Variants in DSC2 observed in about 807,000 individuals in gnomAD.
The protein encoded by DSC2 is desmocollin 2, also known as desmocollin-2.
Under a neutral mutation model 87.6 loss-of-function variants are expected in DSC2, and 51 were observed. The observed-to-expected ratio is 0.58, with a 90% CI of 0.46 to 0.74. The LOEUF is 0.74. DSC2 is among the 30% of genes least tolerant of loss of function. DSC2 has a pLI of 0.00. For missense variants in DSC2, 1,066 were observed against 1,089.5 expected, an observed-to-expected ratio of 0.98 and a Z score of 0.30; for synonymous variants, 383 against 393.2, an observed-to-expected ratio of 0.97 and a Z score of 0.31.
intron 1 of DSC2, among the ~76,000 whole-genome samples, chr18:31,099,308 T>G (rs1018715211): frequency 6.6e-6 from 1 of 152,022 alleles, no homozygotes; most frequent in Non-Finnish European, 1.5e-5. Flanking sequence ...GTAGTCAAAC[T>G]CATAGAAGCA....
chr18:31,079,537 G>A (rs989210607), intron 11 of DSC2, among the ~76,000 whole-genome samples: 1 of 152,074 alleles, frequency 6.6e-6, no homozygotes, highest in African/African-American at 2.4e-5. Context: ...TTACAGGCAT[G>A]AGCCACCACA....
In DSC2 at chr18:31,101,916, A is replaced by G; in HGVS notation, c.56T>C (p.Leu19Pro). The G allele has an allele frequency of 6.5e-7, 1 of 1,531,494 alleles. No homozygotes were observed. 94.9% of individuals were successfully genotyped at this position (1,531,494 alleles called of 1,614,324 possible). Residue 19 changes from leucine to proline, a missense_variant, in exon 1 of 16, where the codon CTG becomes CCG. Transcript: ENST00000280904. ...GGCTACACTCACCGCGAGGGTCAGC[A>G]GGAGCAGCCGGCAGAGGGCTCCGTT... Reference protein sequence around the residue: ...SWNGALCRLLLLTLAILIFAS... With the variant: ...SWNGALCRLLPLTLAILIFAS...
rs766782434 is a variant in DSC2, at chr18:31,065,050, C to T, written c.*2965G>A. The stretch of plus-strand genomic sequence containing the variant: ...AAGCACCAGCCATTTCTTCGGGAAA[C>T]TCTTTATGATTTTGCCTCCTCGAGA... On this transcript the variant is annotated 3_prime_UTR_variant, in exon 16 of 16. Transcript: ENST00000280904. The T allele has an allele frequency of 6.6e-6, 1 of 152,230 alleles. No homozygotes were observed. The highest frequency in any genetic ancestry group is 1.5e-5 in the Non-Finnish European group (1 of 68,048). The allele number at this position is 152,230 out of a possible 1,614,324, so 9.4% of individuals were successfully genotyped here.
At position 31,068,223 on chromosome 18, in the gene DSC2, G is replaced by A; in HGVS notation, c.2509-11C>T. The A allele has an allele frequency of 6.2e-7, 1 of 1,613,872 alleles. No homozygotes were observed. The highest frequency in any genetic ancestry group is 8.5e-7 in the Non-Finnish European group (1 of 1,179,916). On this transcript the variant is annotated splice_polypyrimidine_tract_variant and intron_variant, in intron 15 of 15. Coordinates refer to ENST00000280904, the MANE Select transcript of DSC2 (RefSeq NM_024422.6). ...ACACAGATACACTTTCTGCCAAGGG[G>A]AAAAACACAACGTTTTTATTATTAT...
At chr18:31,069,272 G>C in intron 14 of DSC2, 121 bp from the exon 15 acceptor site, 1 of 1,251,410 alleles carries the variant, frequency 8.0e-7, no homozygotes, top group Non-Finnish European at 1.1e-6. Context: ...AGCTCTCTGA[G>C]AGCAGGAACT....
chr18:31,082,513 C>T (rs1987258243), intron 8 of DSC2, 90 bp from the exon 9 acceptor site: 1 of 1,164,576 alleles, frequency 8.6e-7, no homozygotes, highest in South Asian at 1.3e-5. Flanking sequence ...TTCTAATTTC[C>T]AAAGTACTAT....
intron 1 of DSC2, among the ~76,000 whole-genome samples, chr18:31,095,881 C>T (rs1427145538): frequency 6.6e-6 from 1 of 151,790 alleles, no homozygotes; most frequent in African/African-American, 2.4e-5. Flanking sequence ...TAAGAGGAGG[C>T]AGAGCTTAAA....
rs142594406 is a variant in DSC2, at chr18:31,074,696, C to G, written c.1875G>C (p.Leu625=). Residue 625 remains leucine (L), a synonymous_variant, in exon 12 of 16, where the codon CTG becomes CTC. Transcript: ENST00000280904. ...STSEVQRMWR[L]KAINDTAARL... ...AAAAATATATACCATTAATTGCTTT[C>G]AGTCTCCACATTCTCTGTACTTCTG... The G allele has an allele frequency of 1.9e-6, 3 of 1,613,606 alleles. No homozygotes were observed. The African/African-American group carries it at 4.0e-5, about 22-fold the overall frequency.
intron 9 of DSC2, 22 bp downstream of exon 9, chr18:31,082,216 T>C (rs1987242387): frequency 6.3e-7 from 1 of 1,596,004 alleles, no homozygotes; most frequent in African/African-American, 1.3e-5. Flanking sequence ...AAACTACAAA[T>C]AATGTTCTAA....
intron 1 of DSC2, among the ~76,000 whole-genome samples, chr18:31,099,784 G>T (rs756136378): frequency 2.4e-4 from 37 of 152,132 alleles, no homozygotes; most frequent in African/African-American, 7.7e-4. Flanking sequence ...AAGAAGTGAG[G>T]AAAAGCTGAT....
intron 5 of DSC2, among the ~76,000 whole-genome samples, chr18:31,088,619 T>C (rs1378927280): frequency 6.6e-6 from 1 of 152,186 alleles, no homozygotes; most frequent in African/African-American, 2.4e-5. Context: ...GACCAAGTCC[T>C]GTTGGGAAAT....
intron 11 of DSC2, among the ~76,000 whole-genome samples, chr18:31,075,213 T>C (rs752679537): frequency 2.0e-5 from 3 of 152,282 alleles, no homozygotes; most frequent in Non-Finnish European, 2.9e-5. Context: ...TTCTGGTATA[T>C]TTAAAAGCAC....
At chr18:31,087,545 AATTCC>A in intron 6 of DSC2, 119 bp downstream of exon 6, 1 of 1,180,290 alleles carries the variant, frequency 8.5e-7, no homozygotes, top group Non-Finnish European at 1.2e-6. Flanking sequence ...CACAGAGTAA[AATTCC>A]ACCCAGAGTC....
intron 14 of DSC2, among the ~76,000 whole-genome samples, 193 bp from the exon 15 acceptor site, chr18:31,069,344 C>T (rs946882109): frequency 6.6e-6 from 1 of 152,020 alleles, no homozygotes; most frequent in Non-Finnish European, 1.5e-5. Context: ...ACGTAGTAGC[C>T]ACACAAGCAA....
intron 7 of DSC2, among the ~76,000 whole-genome samples, chr18:31,084,311 AACATCATGC>A: frequency 2.0e-5 from 3 of 152,172 alleles, no homozygotes; most frequent in African/African-American, 7.2e-5. Context: ...AAAATTTTAA[AACATCATGC>A]TACTGTACTT....
intron 12 of DSC2, 118 bp downstream of exon 12, chr18:31,074,565 A>G: frequency 1.0e-6 from 1 of 971,130 alleles, no homozygotes; most frequent in African/African-American, 1.6e-5. Flanking sequence ...ACAAAAACTG[A>G]GAAACTTTCA....
intron 11 of DSC2, among the ~76,000 whole-genome samples, chr18:31,075,550 A>G (rs1484196274): frequency 6.6e-6 from 1 of 152,192 alleles, no homozygotes; most frequent in Non-Finnish European, 1.5e-5. Flanking sequence ...CTGTATATTC[A>G]ATAGAAACTT....
At position 31,086,650 on chromosome 18, in the gene DSC2, G is replaced by C; in HGVS notation, c.868C>G (p.Pro290Ala). Residue 290 changes from proline to alanine, a missense_variant, in exon 7 of 16, where the codon CCA becomes GCA. By Grantham distance (27) the Pro-to-Ala change is conservative. Coordinates refer to ENST00000280904, the MANE Select transcript of DSC2 (RefSeq NM_024422.6). ...TGCATAGAAAATAGGGTGGGTGATG[G>C]TGGCACCTGCCCAATGATGGAGTAC... ...LKYSIIGQVP[P>A]SPTLFSMHPT... is the part of the protein sequence containing the mutation. 1 of 1,614,150 alleles carries C rather than the reference G, an allele frequency of 6.2e-7. No homozygotes were observed. The highest frequency in any genetic ancestry group is 8.5e-7 in the Non-Finnish European group (1 of 1,180,024).
Position 31,089,696 on chromosome 18 carries a change from T to C in DSC2, c.475-102A>G. ...ATTGCCATTTTATTAGTTTAAATAATTGCCCTTAATTTATTATTATATATA... is the reference window on the plus strand; with the variant it reads ...ATTGCCATTTTATTAGTTTAAATAACTGCCCTTAATTTATTATTATATATA... On this transcript the variant is annotated intron_variant, in intron 4 of 15. Coordinates refer to ENST00000280904, the MANE Select transcript of DSC2 (RefSeq NM_024422.6). 5 of 1,108,042 alleles carry C rather than the reference T, an allele frequency of 4.5e-6. No homozygotes were observed. In the South Asian group the frequency reaches 6.0e-5, roughly 13 times the overall value. 68.6% of individuals were successfully genotyped at this position (1,108,042 alleles called of 1,614,324 possible). A position where few individuals can be genotyped will look rare whatever the true frequency, so the allele number is the denominator to read the frequency against.
Sources: allele counts gnomAD v4.1 joint callset (sites outside exome capture counted in the v4.1 genomes callset), GRCh38; gene constraint gnomAD v4.1.1; transcripts MANE v1.5; gene names NCBI Gene and HGNC (gene_info 2026-07-23, HGNC 2026-07-21).